Variants in VPS13A observed in about 807,000 individuals in gnomAD.
VPS13A encodes the protein intermembrane lipid transfer protein VPS13A.
Under a neutral mutation model 390.9 loss-of-function variants are expected in VPS13A, and 264 were observed. That is an observed-to-expected ratio of 0.68 (90% CI 0.61 to 0.75). VPS13A has a LOEUF of 0.75. VPS13A is among the 30% of genes least tolerant of loss of function. VPS13A has a pLI of 0.00. For synonymous variants in VPS13A, 1,231 were observed against 1,227.1 expected (o/e 1.00, Z -0.07); for missense variants, 3,409 against 3,733.9 (o/e 0.91, Z 2.27).
rs761958835 is a variant in VPS13A, at chr9:77,371,018, C to A, written c.8954-8C>A. 1.5e-5 allele frequency: 25 copies of A among 1,613,886 alleles called. No homozygotes were observed. The East Asian group carries it at 5.6e-4, about 36-fold the overall frequency. On this transcript the variant is annotated splice_polypyrimidine_tract_variant and splice_region_variant and intron_variant, in intron 66 of 71. Transcript: ENST00000360280. ...ATGCAATTGTCAAAAACTCTTTTTT[C>A]TTTCCAGGAGCTCAAAAAGGAGGAG... is the stretch of plus-strand genomic sequence containing the variant.
intron 34 of VPS13A, among the ~76,000 whole-genome samples, chr9:77,304,411 A>G (rs897316183): frequency 2.6e-5 from 4 of 152,152 alleles, no homozygotes; most frequent in South Asian, 2.1e-4. Flanking sequence ...CCCTTTCTAC[A>G]TAGGCACAGT....
At chr9:77,291,177 ATAG>A (rs1827635703) in intron 31 of VPS13A, among the ~76,000 whole-genome samples, 1 of 152,136 alleles carries the variant, frequency 6.6e-6, no homozygotes, top group South Asian at 2.1e-4. Context: ...TTAGATTCTC[ATAG>A]TAGGGTGAAC....
At chr9:77,296,343 C>G (rs762917607) in intron 33 of VPS13A, among the ~76,000 whole-genome samples, 1 of 152,108 alleles carries the variant, frequency 6.6e-6, no homozygotes, top group Non-Finnish European at 1.5e-5. Flanking sequence ...TCAAATAGTT[C>G]GAGAGCTTTT....
rs778513963 is a variant in VPS13A, at chr9:77,339,526, A to G, written c.6389A>G (p.Asn2130Ser). 1.3e-6 allele frequency: 2 copies of G among 1,541,252 alleles called. No individual in the cohort carries two copies. The highest frequency in any genetic ancestry group is 1.2e-5 in the South Asian group (1 of 81,006). ...KIAYYIEGIE[N>S]SVFTLSEGHS... ...TTTTTTTTATTACAGGGAATTGAAA[A>G]TTCGGTTTTTACTCTAAGTGAAGGA... The change falls in exon 48 of 72, where the codon AAT (asparagine) becomes AGT (serine). Residue 2130 changes from asparagine to serine, a missense_variant. Around this residue, in one of 5 missense-constraint regions of VPS13A, gnomAD observed 2,717 missense variants for 2,917.4 expected, o/e 0.93. Coordinates refer to ENST00000360280, the MANE Select transcript of VPS13A (RefSeq NM_033305.3).
chr9:77,320,339 T>C (rs2131445645), intron 42 of VPS13A, among the ~76,000 whole-genome samples: 1 of 152,262 alleles, frequency 6.6e-6, no homozygotes, highest in East Asian at 1.9e-4. Context: ...CTATCCTGAG[T>C]TTCCTTCATC....
chr9:77,331,917 C>T, intron 45 of VPS13A, 93 bp from the exon 46 acceptor site: 4 of 815,160 alleles, frequency 4.9e-6, no homozygotes, highest in Non-Finnish European at 8.4e-6. Context: ...CTGATAGTTC[C>T]TTTGTTAAGA....
intron 31 of VPS13A, among the ~76,000 whole-genome samples, chr9:77,289,713 A>C (rs978394004): frequency 6.7e-6 from 1 of 150,244 alleles, no homozygotes; most frequent in Non-Finnish European, 1.5e-5. Flanking sequence ...CTTCATTGCA[A>C]CTCTTTCTGT....
chr9:77,179,687 G>GTTTTT (rs142930729), intron 1 of VPS13A, among the ~76,000 whole-genome samples: 1 of 130,902 alleles, frequency 7.6e-6, no homozygotes, highest in African/African-American at 2.8e-5. Context: ...TGGGTTGTAC[G>GTTTTT]TTTTTTTTTT....
chr9:77,344,224 CA>C lies in VPS13A; in HGVS notation c.7102del (p.Arg2368GlyfsTer15). ...IQVERSEDPP[K>X]RIYFNKQENC... ...AAGTCGAAAGGAGTGAAGATCCTCC[CA>C]AAAGGATATATTTTAACAAGCAGGA... is the stretch of plus-strand genomic sequence containing the variant. On this transcript the variant is annotated frameshift_variant, in exon 51 of 72. Transcript: ENST00000360280. LOFTEE classifies it high-confidence loss of function. 6.2e-7 allele frequency: 1 copy of C among 1,613,148 alleles called. No homozygotes were observed. Among genetic ancestry groups the C allele is most frequent in the African/African-American group, 1.3e-5 (1 of 74,946 alleles).
In VPS13A at chr9:77,344,137, A is replaced by G. The variant is rs1428183718; in HGVS notation, c.7027-16A>G. 3.9e-6 allele frequency: 6 copies of G among 1,551,726 alleles called. No individual in the cohort carries two copies. The highest frequency in any genetic ancestry group is 5.3e-6 in the Non-Finnish European group (6 of 1,125,642). On this transcript the variant is annotated splice_polypyrimidine_tract_variant and intron_variant, in intron 50 of 71. Coordinates refer to ENST00000360280, the MANE Select transcript of VPS13A (RefSeq NM_033305.3). ...AATCTGTTTATTTTTATAAACATAT[A>G]TAATGTATATTTTAGTGTATCCCCT...
At chr9:77,323,419 T>C (rs913019931) in intron 45 of VPS13A, among the ~76,000 whole-genome samples, 192 bp downstream of exon 45, 3 of 152,164 alleles carry the variant, frequency 2.0e-5, no homozygotes, top group South Asian at 2.1e-4. Context: ...TTGTTCAATA[T>C]ACTTCTTATA....
At chr9:77,335,014 T>C (rs900992087) in intron 46 of VPS13A, among the ~76,000 whole-genome samples, 49 of 152,096 alleles carry the variant, frequency 3.2e-4, no homozygotes, top group Admixed American at 3.1e-3. Flanking sequence ...AAATTTAAGG[T>C]GCCATCAGAA....
chr9:77,261,576 C>CAA lies in VPS13A; in HGVS notation c.2427+1364_2427+1365dup, dbSNP rs201037030. Among the ~76,000 whole-genome samples, 3 of 141,874 alleles carry CAA rather than the reference C, an allele frequency of 2.1e-5. No individual in the cohort carries two copies. In the East Asian group the frequency reaches 6.1e-4, roughly 29 times the overall value. 93.1% of individuals were successfully genotyped at this position (141,874 alleles called of 152,430 possible). On this transcript the variant is annotated intron_variant, in intron 23 of 71. Coordinates refer to ENST00000360280, the MANE Select transcript of VPS13A (RefSeq NM_033305.3). Reference sequence around the variant, plus strand: ...GAATTTTAAATTTTGATTATTTTGCCAAAAAAAAAAAAATTTTTTTTTTTT... The same window carrying CAA: ...GAATTTTAAATTTTGATTATTTTGCCAAAAAAAAAAAAAAATTTTTTTTTTTT...
At chr9:77,195,619 C>T (rs1824949490) in intron 1 of VPS13A, among the ~76,000 whole-genome samples, 1 of 152,106 alleles carries the variant, frequency 6.6e-6, no homozygotes, top group African/African-American at 2.4e-5. Flanking sequence ...CCCCTGTAAT[C>T]CCAGCTACTC....
chr9:77,343,426 C>T (rs1239522704), intron 50 of VPS13A, among the ~76,000 whole-genome samples: 1 of 152,162 alleles, frequency 6.6e-6, no homozygotes, highest in Non-Finnish European at 1.5e-5. Flanking sequence ...CACACATGAG[C>T]AGTCTCACTG....
chr9:77,207,252 TAA>T (rs1554860017), intron 5 of VPS13A, among the ~76,000 whole-genome samples: 9 of 87,248 alleles, frequency 1.0e-4, no homozygotes, highest in South Asian at 3.7e-4. Flanking sequence ...TATATATATA[TAA>T]AACGTGTTAT....
In VPS13A at chr9:77,351,340, C is replaced by T; in HGVS notation, c.7313C>T (p.Ser2438Phe). The T allele has an allele frequency of 1.9e-6, 3 of 1,613,594 alleles. No individual in the cohort carries two copies. Among genetic ancestry groups the T allele is most frequent in the South Asian group, 2.2e-5 (2 of 91,068 alleles). ...AGTTCTCTCAGTGAAATAGAAGATT[C>T]CCTCCCTCCTGGTAAAGCCGTGTTT... is the stretch of plus-strand genomic sequence containing the variant. ...NQSSLSEIED[S>F]LPPGKAVFYT... The change falls in exon 53 of 72, where the codon TCC (serine) becomes TTC (phenylalanine). Residue 2438 changes from serine to phenylalanine, a missense_variant. Ser to Phe is a radical substitution (Grantham distance 155, BLOSUM62 -2). This residue lies in a region of VPS13A where 2,717 missense variants were observed against 2,917.4 expected (regional missense o/e 0.93). Transcript: ENST00000360280.
At position 77,405,991 on chromosome 9, in the gene VPS13A, T is replaced by C; in HGVS notation, c.9399+4T>C. On this transcript the variant is annotated splice_donor_region_variant and intron_variant, in intron 70 of 71. Coordinates refer to ENST00000360280, the MANE Select transcript of VPS13A (RefSeq NM_033305.3). ...AAGATTGCGCATTGAAGCAAAGGTA[T>C]GTTGAATAGATTTATTTTTTGAAAA... The C allele has an allele frequency of 6.2e-7, 1 of 1,613,518 alleles. No individual in the cohort carries two copies. Among genetic ancestry groups the C allele is most frequent in the Non-Finnish European group, 8.5e-7 (1 of 1,179,940 alleles).
chr9:77,301,037 A>G (rs1464501102), intron 33 of VPS13A, among the ~76,000 whole-genome samples: 2 of 152,266 alleles, frequency 1.3e-5, no homozygotes, highest in Non-Finnish European at 2.9e-5. Flanking sequence ...TATAAGGTGC[A>G]TGTGGGAGCA....
Sources: gnomAD v4.1 joint callset for allele counts (sites outside exome capture counted in the v4.1 genomes callset) on GRCh38, gnomAD v4.1.1 for gene constraint, gnomAD v4.1.1 regional missense constraint, MANE v1.5 for transcripts, NCBI Gene and HGNC (gene_info 2026-07-23, HGNC 2026-07-21) for gene names.